Variants in PDGFRL observed in about 807,000 individuals in gnomAD.
PDGFRL encodes platelet derived growth factor receptor like.
In PDGFRL, 46 loss-of-function variants were observed where a neutral mutation model predicts 37.2. That is an observed-to-expected ratio of 1.24 (90% CI 0.98 to 1.58). PDGFRL has a LOEUF of 1.58. PDGFRL is among the 40% of genes most tolerant of loss of function. The pLI, the probability that PDGFRL is intolerant of heterozygous loss-of-function variation, is 0.00. For missense variants in PDGFRL, 692 were observed against 467.6 expected (o/e 1.48, Z -4.43); for synonymous variants, 251 against 184.3 (o/e 1.36, Z -2.93).
chr8:17,589,512 G>C lies in PDGFRL; in HGVS notation c.100G>C (p.Gly34Arg). 2 of 1,613,946 alleles carry C rather than the reference G, an allele frequency of 1.2e-6. No homozygotes were observed. Among genetic ancestry groups the C allele is most frequent in the Non-Finnish European group, 1.7e-6 (2 of 1,179,898 alleles). Residue 34 changes from glycine to arginine, a missense_variant, in exon 2 of 6, where the codon GGA (glycine) becomes CGA (arginine). Physicochemically the swap from Gly to Arg is moderately radical, Grantham distance 125. Transcript: ENST00000251630. Reference sequence around the variant, plus strand: ...CAAGAACAAGCGTCCAAAAGAACCAGGAGAGAATAGAATCAAACCTACCAA... The same window carrying C: ...CAAGAACAAGCGTCCAAAAGAACCACGAGAGAATAGAATCAAACCTACCAA... ...LPKNKRPKEP[G>R]ENRIKPTNKK...
At chr8:17,584,382 A>G (rs890172663) in intron 1 of PDGFRL, among the ~76,000 whole-genome samples, 4 of 152,112 alleles carry the variant, frequency 2.6e-5, no homozygotes, top group African/African-American at 9.7e-5. Flanking sequence ...GGATATTTAG[A>G]TCTGGAGTGT....
intron 2 of PDGFRL, among the ~76,000 whole-genome samples, chr8:17,603,624 T>A (rs1474492371): frequency 6.6e-6 from 1 of 152,190 alleles, no homozygotes; most frequent in African/African-American, 2.4e-5. Context: ...CCTGTTCCTT[T>A]CTTCCCACTG....
At chr8:17,602,092 C>T (rs946487470) in intron 2 of PDGFRL, among the ~76,000 whole-genome samples, 7 of 152,192 alleles carry the variant, frequency 4.6e-5, no homozygotes, top group African/African-American at 1.4e-4. Flanking sequence ...AGTATGTAAA[C>T]TTCCCCTTTC....
chr8:17,578,956 T>A (rs1312880093), intron 1 of PDGFRL, among the ~76,000 whole-genome samples: 1 of 152,150 alleles, frequency 6.6e-6, no homozygotes, highest in Non-Finnish European at 1.5e-5. Flanking sequence ...TCCCAGCACT[T>A]TGGGAGGCCA....
rs369526606 is a variant in PDGFRL at position 17,589,520 on chromosome 8, T to C, written c.108T>C (p.Asn36=). Residue 36 remains asparagine, a synonymous_variant, in exon 2 of 6, where the codon AAT becomes AAC. Coordinates refer to ENST00000251630, the MANE Select transcript of PDGFRL (RefSeq NM_001372073.1). ...KNKRPKEPGE[N]RIKPTNKKVK... is the part of the protein sequence containing the mutation. ...AGCGTCCAAAAGAACCAGGAGAGAA[T>C]AGAATCAAACCTACCAACAAGAAGG... 1 of 1,613,888 alleles carries C rather than the reference T, an allele frequency of 6.2e-7. No individual in the cohort carries two copies. Among genetic ancestry groups the C allele is most frequent in the Middle Eastern group, 1.7e-4 (1 of 6,058 alleles).
Position 17,642,993 on chromosome 8 carries a change from T to C in PDGFRL, c.*192T>C, listed in dbSNP as rs961620042. The stretch of plus-strand genomic sequence containing the variant: ...CAGTCTATTCACAGAAGTGTTAACT[T>C]TTCTAACAGAAAGCATGATTTTGAT... On this transcript the variant is annotated 3_prime_UTR_variant, in exon 6 of 6. Coordinates refer to ENST00000251630, the MANE Select transcript of PDGFRL (RefSeq NM_001372073.1). 4 of 506,996 alleles carry C rather than the reference T, an allele frequency of 7.9e-6. No homozygotes were observed. The highest frequency in any genetic ancestry group is 2.0e-5 in the African/African-American group (1 of 51,206). 31.4% of individuals were successfully genotyped at this position (506,996 alleles called of 1,614,324 possible).
intron 2 of PDGFRL, among the ~76,000 whole-genome samples, chr8:17,617,265 C>T (rs145870062): frequency 5.4e-4 from 82 of 152,302 alleles, no homozygotes; most frequent in Admixed American, 3.7e-3. Flanking sequence ...GATGTGTTGG[C>T]GTGTTCAGAG....
chr8:17,618,979 G>A (rs770461482), intron 2 of PDGFRL, among the ~76,000 whole-genome samples: 1 of 152,174 alleles, frequency 6.6e-6, no homozygotes, highest in African/African-American at 2.4e-5. Flanking sequence ...AGTTGATGGC[G>A]TGGGAGTACA....
intron 5 of PDGFRL, among the ~76,000 whole-genome samples, chr8:17,641,681 C>T (rs1805096133): frequency 6.6e-6 from 1 of 152,178 alleles, no homozygotes; most frequent in Non-Finnish European, 1.5e-5. Flanking sequence ...AAAATAACAG[C>T]TCTGCTCCCA....
chr8:17,632,977 G>A (rs547528146), intron 4 of PDGFRL, among the ~76,000 whole-genome samples: 9 of 152,042 alleles, frequency 5.9e-5, no homozygotes, highest in Admixed American at 2.6e-4. Context: ...GAGTACTCTG[G>A]GCTTCTGCTT....
At chr8:17,634,046 A>G (rs1804917307) in intron 4 of PDGFRL, 28 bp from the exon 5 acceptor site, 1 of 1,611,934 alleles carries the variant, frequency 6.2e-7, no homozygotes, top group Non-Finnish European at 8.5e-7. Context: ...TCGGGGTCTC[A>G]CTCTGCCTGT....
At chr8:17,634,301 G>C (rs1804925291) in intron 5 of PDGFRL, 88 bp downstream of exon 5, 2 of 1,020,854 alleles carry the variant, frequency 2.0e-6, no homozygotes, top group South Asian at 1.5e-5. Flanking sequence ...TCCCCACCCA[G>C]TGCTATATGC....
intron 4 of PDGFRL, among the ~76,000 whole-genome samples, chr8:17,633,069 A>C (rs748945308): frequency 7.2e-5 from 11 of 152,156 alleles, no homozygotes; most frequent in Admixed American, 5.2e-4. Context: ...TACAGATTCC[A>C]AGGGCTCAGA....
At chr8:17,632,164 C>T (rs1427299974) in intron 4 of PDGFRL, among the ~76,000 whole-genome samples, 1 of 152,222 alleles carries the variant, frequency 6.6e-6, no homozygotes, top group Non-Finnish European at 1.5e-5. Flanking sequence ...CTCCCTCCTC[C>T]TCCCGATCCT....
chr8:17,585,816 T>C (rs535221323), intron 1 of PDGFRL, among the ~76,000 whole-genome samples: 3 of 152,354 alleles, frequency 2.0e-5, no homozygotes, highest in East Asian at 1.9e-4. Flanking sequence ...ATTAGGCTAA[T>C]AGGTCACTTT....
intron 2 of PDGFRL, among the ~76,000 whole-genome samples, chr8:17,604,165 A>C (rs1300562611): frequency 6.6e-6 from 1 of 152,188 alleles, no homozygotes; most frequent in Non-Finnish European, 1.5e-5. Flanking sequence ...ACCATTGTGG[A>C]AGTCAGTGTG....
At chr8:17,626,170 A>G (rs948382654) in intron 3 of PDGFRL, among the ~76,000 whole-genome samples, 4 of 152,248 alleles carry the variant, frequency 2.6e-5, no homozygotes, top group African/African-American at 9.6e-5. Context: ...AACATCTTCA[A>G]TATTATCCAC....
intron 1 of PDGFRL, among the ~76,000 whole-genome samples, chr8:17,578,368 C>G (rs1803633234): frequency 6.6e-6 from 1 of 152,154 alleles, no homozygotes; most frequent in Non-Finnish European, 1.5e-5. Flanking sequence ...CAAAAAAATA[C>G]CGCATTGTAG....
At chr8:17,584,654 G>C (rs2720564) in intron 1 of PDGFRL, among the ~76,000 whole-genome samples, 117,658 of 151,656 alleles carry the variant, frequency 0.78, 48,477 homozygotes, top group Non-Finnish European at 0.92. Context: ...AACAGGTGTT[G>C]TGGAAAATAC....
Sources: gnomAD v4.1 joint callset for allele counts (sites outside exome capture counted in the v4.1 genomes callset) on GRCh38, gnomAD v4.1.1 for gene constraint, MANE v1.5 for transcripts, NCBI Gene and HGNC (gene_info 2026-07-23, HGNC 2026-07-21) for gene names.